The following CALHM4 variants were observed in gnomAD, a reference collection of about 807,000 sequenced individuals.
CALHM4 encodes the protein calcium homeostasis modulator family member 4.
A neutral mutation model predicts 13.3 loss-of-function variants in CALHM4; 16 were observed. The observed-to-expected ratio is 1.20, with a 90% confidence interval of 0.81 to 1.82. CALHM4 has a LOEUF of 1.82. CALHM4 is among the 40% of genes most tolerant of loss of function. The pLI, the probability that CALHM4 is intolerant of heterozygous loss-of-function variation, is 0.00. For synonymous variants in CALHM4, 127 were observed against 137.1 expected, an observed-to-expected ratio of 0.93 and a Z score of 0.52; for missense variants, 344 against 374.9, an observed-to-expected ratio of 0.92 and a Z score of 0.68.
intron 1 of CALHM4, among the ~76,000 whole-genome samples, chr6:116,539,691 GA>G (rs982974559): frequency 4.7e-5 from 7 of 150,478 alleles, no homozygotes; most frequent in South Asian, 2.1e-4. Flanking sequence ...GACTAGGAGA[GA>G]AAAAAAAATG....
At position 116,543,713 on chromosome 6, in the gene CALHM4, T is replaced by A. The variant is rs1773600796; in HGVS notation, c.-108-52T>A. 6.8e-6 allele frequency: 7 copies of A among 1,027,046 alleles called. No homozygotes were observed. In the African/African-American group the frequency reaches 9.8e-5, roughly 14 times the overall value. The allele number at this position is 1,027,046 out of a possible 1,614,324, so 63.6% of individuals were successfully genotyped here. On this transcript the variant is annotated intron_variant, in intron 1 of 2. Transcript: ENST00000368597. ...GAGGACAGTTTTTTAAAAATACTAA[T>A]TTCTAACATAAATTTCTGTTTTTCT...
At chr6:116,536,877 G>A (rs541834188) in intron 1 of CALHM4, among the ~76,000 whole-genome samples, 11 of 152,106 alleles carry the variant, frequency 7.2e-5, no homozygotes, top group Non-Finnish European at 1.5e-4. Flanking sequence ...TTTGACATCT[G>A]CCTCCTCTGA....
intron 2 of CALHM4, chr6:116,545,373 C>T: frequency 9.9e-7 from 1 of 1,007,276 alleles, no homozygotes; most frequent in South Asian, 1.6e-5. Flanking sequence ...CTTTCCTCCA[C>T]TAAAAATTCT....
intron 1 of CALHM4, among the ~76,000 whole-genome samples, chr6:116,555,204 T>A (rs1359618243): frequency 6.6e-6 from 1 of 152,244 alleles, no homozygotes; most frequent in African/African-American, 2.4e-5. Flanking sequence ...ATGGCCCAGT[T>A]TTTAAAAAGT....
intron 2 of CALHM4, among the ~76,000 whole-genome samples, chr6:116,547,028 A>T (rs1022137454): frequency 6.6e-6 from 1 of 152,216 alleles, no homozygotes; most frequent in Middle Eastern, 3.2e-3. Context: ...ACAGGATAAG[A>T]ATCTAAAAGT....
chr6:116,540,891 C>T (rs926905648), intron 1 of CALHM4, among the ~76,000 whole-genome samples: 2 of 152,052 alleles, frequency 1.3e-5, no homozygotes, highest in African/African-American at 4.8e-5. Flanking sequence ...GCATTGTTAT[C>T]AGGGTAGAAG....
chr6:116,545,332 G>A, intron 2 of CALHM4: 1 of 591,446 alleles, frequency 1.7e-6, no homozygotes. Context: ...TCCTAGATGT[G>A]TCATTTATGA....
intron 1 of CALHM4, among the ~76,000 whole-genome samples, chr6:116,535,570 G>GT (rs1773023395): frequency 6.6e-6 from 1 of 152,152 alleles, no homozygotes; most frequent in East Asian, 1.9e-4. Context: ...AACTAAGGAG[G>GT]TTTTTTGGCT....
At chr6:116,546,882 G>A (rs1163046513) in intron 2 of CALHM4, among the ~76,000 whole-genome samples, 2 of 152,072 alleles carry the variant, frequency 1.3e-5, no homozygotes, top group Non-Finnish European at 2.9e-5. Flanking sequence ...GGTATGGGGT[G>A]GAGAGTTTTT....
At chr6:116,545,865 T>C (rs2115260096) in intron 2 of CALHM4, among the ~76,000 whole-genome samples, 1 of 152,326 alleles carries the variant, frequency 6.6e-6, no homozygotes, top group African/African-American at 2.4e-5. Flanking sequence ...AGAGTGGTGT[T>C]TTGTTCTCAG....
intron 1 of CALHM4, among the ~76,000 whole-genome samples, chr6:116,535,740 A>G (rs1458320302): frequency 6.6e-6 from 1 of 152,224 alleles, no homozygotes; most frequent in African/African-American, 2.4e-5. Context: ...TTTCATTTAG[A>G]CCAACTGCAA....
chr6:116,559,728 A>G lies in CALHM4; in HGVS notation c.*1517A>G, dbSNP rs564670938. 6.6e-6 allele frequency among the ~76,000 whole-genome samples: 1 copy of G among 152,258 alleles called. No homozygotes were observed. Among genetic ancestry groups the G allele is most frequent in the East Asian group, 1.9e-4 (1 of 5,188 alleles). On this transcript the variant is annotated 3_prime_UTR_variant, in exon 2 of 2. Transcript: ENST00000368596. ...TTACCTCTTGGAAGAAAATAACTGA[A>G]CTAAATAACTGCTTAAGGTCTCTTT...
chr6:116,531,934 T>G lies in CALHM4; in HGVS notation c.-109+2744T>G, dbSNP rs542830450. 2.0e-5 allele frequency among the ~76,000 whole-genome samples: 3 copies of G among 151,240 alleles called. No homozygotes were observed. The East Asian group carries it at 5.8e-4, about 29-fold the overall frequency. On this transcript the variant is annotated intron_variant, in intron 1 of 2. Coordinates refer to the CALHM4 transcript ENST00000368597. ...AATAAACAATAATGGAAAAAACAAA[T>G]GTTTCAATAAAATTACCAAGTTGAG...
chr6:116,554,311 T>G lies in CALHM4; in HGVS notation c.518T>G (p.Val173Gly). 1 of 1,549,174 alleles carries G rather than the reference T, an allele frequency of 6.5e-7. No individual in the cohort carries two copies. The highest frequency in any genetic ancestry group is 8.7e-7 in the Non-Finnish European group (1 of 1,146,870). ...CRSAPSDVIL[V>G]RDEIALLHRY... ...TCAGCTCCTTCTGACGTGATCCTAG[T>G]AAGAGATGAAATAGCTCTTCTGCAC... The change falls in exon 1 of 2, where the codon GTA (valine) becomes GGA (glycine). Residue 173 changes from valine (V) to glycine (G), a missense_variant. Val to Gly is a moderately radical substitution (Grantham distance 109, BLOSUM62 -3). Coordinates refer to ENST00000368596, the MANE Select transcript of CALHM4 (RefSeq NM_001366078.2).
At chr6:116,555,898 A>G (rs149559384) in intron 1 of CALHM4, among the ~76,000 whole-genome samples, 181 of 152,278 alleles carry the variant, frequency 1.2e-3, no homozygotes, top group African/African-American at 4.3e-3. Flanking sequence ...ATATCTTTCT[A>G]AGTGCAAATT....
At chr6:116,545,351 G>A (rs1023405591) in intron 2 of CALHM4, 15 of 707,760 alleles carry the variant, frequency 2.1e-5, no homozygotes, top group South Asian at 4.3e-5. Flanking sequence ...GATTCACTTC[G>A]CTGAACACTG....
chr6:116,534,783 T>C (rs1407178997), intron 1 of CALHM4, among the ~76,000 whole-genome samples: 1 of 113,472 alleles, frequency 8.8e-6, no homozygotes, highest in Non-Finnish European at 1.9e-5. Flanking sequence ...CAATTTATAC[T>C]ATAAAAGAAA....
upstream of CALHM4, among the ~76,000 whole-genome samples, chr6:116,549,290 T>G (rs1473279904): frequency 2.0e-5 from 3 of 152,092 alleles, no homozygotes; most frequent in Non-Finnish European, 2.9e-5. Context: ...CGTCTCAAAA[T>G]GTACATATAT....
In CALHM4 at chr6:116,553,971, G is replaced by T. The variant is rs1274960879; in HGVS notation, c.178G>T (p.Ala60Ser). The stretch of plus-strand genomic sequence containing the variant: ...TGGTTCTGCTTTTCTTGTCATTCCT[G>T]CCTTGATCCTTCTCGTTGCTGGCTT... ...YYGSAFLVIP[A>S]LILLVAGFAL... Residue 60 changes from alanine (A) to serine (S), a missense_variant, in exon 1 of 2, where the codon GCC becomes TCC. Coordinates refer to ENST00000368596, the MANE Select transcript of CALHM4 (RefSeq NM_001366078.2). The T allele has an allele frequency of 6.4e-7, 1 of 1,550,616 alleles. No homozygotes were observed.
Sources: allele counts gnomAD v4.1 joint callset (sites outside exome capture counted in the v4.1 genomes callset), GRCh38; gene constraint gnomAD v4.1.1; transcripts MANE v1.5; gene names NCBI Gene and HGNC (gene_info 2026-07-23, HGNC 2026-07-21).